RAD50: variants seen among roughly 807,000 people sequenced by gnomAD.
RAD50 encodes RAD50 double strand break repair protein.
Under a neutral mutation model 168.8 loss-of-function variants are expected in RAD50, and 132 were observed. That is an observed-to-expected ratio of 0.78 (90% confidence interval 0.68 to 0.90). RAD50 has a LOEUF of 0.90. Ranked by LOEUF, RAD50 falls within the 40% of genes least tolerant of loss-of-function variation. The pLI is 0.00. For missense variants in RAD50, 1,347 were observed against 1,534.4 expected, an observed-to-expected ratio of 0.88 and a Z score of 2.04; for synonymous variants, 525 against 497.4, an observed-to-expected ratio of 1.06 and a Z score of -0.74.
At chr5:132,621,560 T>G (rs1397494875) in intron 21 of RAD50, among the ~76,000 whole-genome samples, 1 of 152,206 alleles carries the variant, frequency 6.6e-6, no homozygotes, top group Non-Finnish European at 1.5e-5. Context: ...TTCAATAGTT[T>G]TTTCAGTGAA....
At chr5:132,625,924 G>A (rs972862749) in intron 21 of RAD50, among the ~76,000 whole-genome samples, 6 of 149,620 alleles carry the variant, frequency 4.0e-5, no homozygotes, top group Non-Finnish European at 8.9e-5. Flanking sequence ...TTTTTGAGAC[G>A]GAGTCTCTGT....
chr5:132,583,417 A>C (rs1333251896), intron 5 of RAD50, among the ~76,000 whole-genome samples: 1 of 152,108 alleles, frequency 6.6e-6, no homozygotes, highest in Non-Finnish European at 1.5e-5. Context: ...CACCCTTTTT[A>C]GAGTATAAAT....
chr5:132,586,246 C>T (rs1398322371), intron 5 of RAD50, among the ~76,000 whole-genome samples: 1 of 152,202 alleles, frequency 6.6e-6, no homozygotes, highest in Admixed American at 6.5e-5. Flanking sequence ...TTATGATACC[C>T]TGCCTTCTAA....
At position 132,608,779 on chromosome 5, in the gene RAD50, C is replaced by A; in HGVS notation, c.2829+54C>A. ...CAAATATCTGTATTAAACTTATGTT[C>A]ATAGCACCACGTCGGACACTTATTT... is the stretch of plus-strand genomic sequence containing the variant. On this transcript the variant is annotated intron_variant, in intron 17 of 24. Transcript: ENST00000378823. 4 of 1,533,762 alleles carry A rather than the reference C, an allele frequency of 2.6e-6. No individual in the cohort carries two copies. The South Asian group carries it at 5.0e-5, about 19-fold the overall frequency.
chr5:132,638,361 T>C, intron 23 of RAD50, 138 bp downstream of exon 23: 1 of 1,006,920 alleles, frequency 9.9e-7, no homozygotes, highest in Non-Finnish European at 1.5e-6. Context: ...TGAATCAGGC[T>C]CAGCTACTAT....
chr5:132,584,251 G>C (rs1039008341), intron 5 of RAD50, among the ~76,000 whole-genome samples: 3 of 152,134 alleles, frequency 2.0e-5, no homozygotes, highest in African/African-American at 7.2e-5. Flanking sequence ...GCATTTCTCT[G>C]ATGGCCAGTG....
At chr5:132,560,162 C>T (rs529033056) in intron 2 of RAD50, among the ~76,000 whole-genome samples, 17 of 152,108 alleles carry the variant, frequency 1.1e-4, no homozygotes, top group African/African-American at 3.9e-4. Flanking sequence ...GTTTTCGTTA[C>T]GTATTCTTCC....
chr5:132,590,531 A>G (rs1750679908), intron 9 of RAD50, among the ~76,000 whole-genome samples: 1 of 152,176 alleles, frequency 6.6e-6, no homozygotes. Flanking sequence ...CCTCTAGGTC[A>G]CACACGTTGT....
At chr5:132,616,699 G>A (rs1751184018) in intron 20 of RAD50, among the ~76,000 whole-genome samples, 1 of 152,134 alleles carries the variant, frequency 6.6e-6, no homozygotes, top group Non-Finnish European at 1.5e-5. Flanking sequence ...GTTGCCTTAG[G>A]AATTCTGTAA....
chr5:132,577,049 C>G (rs1312200091), intron 3 of RAD50, among the ~76,000 whole-genome samples: 1 of 152,176 alleles, frequency 6.6e-6, no homozygotes, highest in Non-Finnish European at 1.5e-5. Context: ...TTATCTTACA[C>G]TTATGTAGTT....
intron 20 of RAD50, 128 bp from the exon 21 acceptor site, chr5:132,617,942 C>A: frequency 1.2e-6 from 1 of 813,748 alleles, no homozygotes; most frequent in Non-Finnish European, 2.1e-6. Flanking sequence ...CAAGGAGAGA[C>A]TCTGTTATAA....
chr5:132,565,456 C>T (rs750709770), intron 2 of RAD50, among the ~76,000 whole-genome samples: 1 of 152,136 alleles, frequency 6.6e-6, no homozygotes, highest in East Asian at 1.9e-4. Context: ...CCTTATCCTG[C>T]GTAGGCTCTT....
At chr5:132,578,162 C>T (rs912201501) in intron 3 of RAD50, among the ~76,000 whole-genome samples, 3 of 152,200 alleles carry the variant, frequency 2.0e-5, no homozygotes, top group East Asian at 1.9e-4. Context: ...TTAGGTTCAA[C>T]GTTTCCAAAA....
chr5:132,613,940 T>A (rs1339759255), intron 19 of RAD50, among the ~76,000 whole-genome samples: 1 of 152,156 alleles, frequency 6.6e-6, no homozygotes, highest in Non-Finnish European at 1.5e-5. Flanking sequence ...ATTGACCATG[T>A]TATAAGCAAA....
rs139311623 is a variant in RAD50 at position 132,562,499 on chromosome 5, G to C, written c.213+3132G>C. 1.1e-3 allele frequency among the ~76,000 whole-genome samples: 166 copies of C among 152,222 alleles called. 2 individuals carry two copies. The highest frequency in any genetic ancestry group is 3.7e-3 in the African/African-American group (154 of 41,558). On this transcript the variant is annotated intron_variant, in intron 2 of 24. Transcript: ENST00000378823. ...ATAATGGTGTATGAAAGAAGTAAAA[G>C]CATCAAGCATAACTCCAAAGTTTTT...
intron 2 of RAD50, among the ~76,000 whole-genome samples, chr5:132,563,300 C>T (rs1750152977): frequency 6.6e-6 from 1 of 152,124 alleles, no homozygotes; most frequent in Non-Finnish European, 1.5e-5. Flanking sequence ...GAGATAAGAT[C>T]CATTGCCCAA....
intron 5 of RAD50, among the ~76,000 whole-genome samples, chr5:132,585,943 T>C (rs1750589009): frequency 1.3e-5 from 2 of 152,232 alleles, no homozygotes; most frequent in Admixed American, 1.3e-4. Flanking sequence ...GATATTGGTT[T>C]TGCAGATATT....
At chr5:132,582,040 T>C (rs1184918508) in intron 5 of RAD50, among the ~76,000 whole-genome samples, 7 of 152,190 alleles carry the variant, frequency 4.6e-5, no homozygotes, top group East Asian at 1.9e-4. Flanking sequence ...GAGGATTTCA[T>C]AGGACTGAAT....
intron 12 of RAD50, 173 bp downstream of exon 12, chr5:132,595,217 C>T (rs1750769053): frequency 1.4e-6 from 1 of 690,254 alleles, no homozygotes; most frequent in African/African-American, 1.8e-5. Flanking sequence ...TTACTGAAAC[C>T]TTCCTGTGTT....
Sources: allele counts gnomAD v4.1 joint callset (sites outside exome capture counted in the v4.1 genomes callset), GRCh38; gene constraint gnomAD v4.1.1; transcripts MANE v1.5; gene names NCBI Gene and HGNC (gene_info 2026-07-23, HGNC 2026-07-21).